The following DCDC2 variants were observed in gnomAD, a reference collection of about 807,000 sequenced individuals.
The protein encoded by DCDC2 is doublecortin domain containing 2, also known as doublecortin domain-containing protein 2.
Under a neutral mutation model 50.2 loss-of-function variants are expected in DCDC2, and 40 were observed. The ratio of observed to expected loss-of-function variants is 0.80; its 90% CI spans 0.62 to 1.04. The LOEUF is 1.04. DCDC2 is among the 50% of genes least tolerant of loss of function. DCDC2 has a pLI of 0.00. For missense variants in DCDC2, 570 were observed against 581.9 expected (o/e 0.98, Z 0.21); for synonymous variants, 234 against 210.6 (o/e 1.11, Z -0.96).
At chr6:24,265,993 TA>T (rs373942526) in intron 7 of DCDC2, among the ~76,000 whole-genome samples, 1,725 of 151,574 alleles carry the variant, frequency 0.011, 36 homozygotes, top group African/African-American at 0.039. Context: ...GCCAGACTAA[TA>T]AAAAAAGACC....
intron 8 of DCDC2, among the ~76,000 whole-genome samples, chr6:24,198,811 A>G (rs1428885699): frequency 6.6e-6 from 1 of 152,140 alleles, no homozygotes; most frequent in Non-Finnish European, 1.5e-5. Context: ...GGGACACTCA[A>G]GCTTGGTGGG....
At chr6:24,180,056 T>C (rs188022987) in intron 8 of DCDC2, among the ~76,000 whole-genome samples, 3,037 of 152,044 alleles carry the variant, frequency 0.02, 48 homozygotes, top group Middle Eastern at 0.051. Context: ...GACCAGGCAC[T>C]TACTGGCTGT....
chr6:24,183,749 C>A (rs567307859), intron 8 of DCDC2, among the ~76,000 whole-genome samples: 19 of 152,116 alleles, frequency 1.2e-4, no homozygotes, highest in Non-Finnish European at 2.6e-4. Context: ...AGATAAATAC[C>A]ACTGTCTCCG....
the DCDC2 span, among the ~76,000 whole-genome samples, chr6:24,363,540 T>G: frequency 1.0e-3 from 157 of 152,218 alleles, no homozygotes; most frequent in Non-Finnish European, 2.1e-3. Flanking sequence ...AACAAGGCAT[T>G]TGCTGTTTCC....
upstream of DCDC2, among the ~76,000 whole-genome samples, chr6:24,358,919 T>TTATATATTATATATATTATAC (rs1220997612): frequency 2.6e-4 from 14 of 54,866 alleles, 1 homozygote; most frequent in African/African-American, 1.3e-3. Context: ...ATATTATATA[T>TTATATATTATATATATTATAC]ATTATATATT....
chr6:24,334,032 C>A (rs1200265233), intron 2 of DCDC2, among the ~76,000 whole-genome samples: 5 of 152,104 alleles, frequency 3.3e-5, no homozygotes, highest in Admixed American at 6.5e-5. Context: ...GGAAGATAGC[C>A]CTTGCAAACA....
intron 9 of DCDC2, among the ~76,000 whole-genome samples, chr6:24,176,688 A>C (rs1760922550): frequency 6.6e-6 from 1 of 152,132 alleles, no homozygotes; most frequent in Non-Finnish European, 1.5e-5. Context: ...TACGTTAGAC[A>C]CCTTACTGTA....
chr6:24,302,137 C>G, intron 2 of DCDC2, 93 bp from the exon 3 acceptor site: 1 of 1,041,374 alleles, frequency 9.6e-7, no homozygotes. Flanking sequence ...AGGGAACTGC[C>G]TGAGACTTCC....
At chr6:24,360,413 C>A (rs1760647309), upstream of DCDC2, among the ~76,000 whole-genome samples, 1 of 152,196 alleles carries the variant, frequency 6.6e-6, no homozygotes, top group African/African-American at 2.4e-5. Context: ...GAGTGCCTAC[C>A]CTGTGCCAAG....
In DCDC2 at chr6:24,289,033, T is replaced by C. The variant is rs78964298; in HGVS notation, c.705-127A>G. 3,706 of 645,680 alleles carry C rather than the reference T, an allele frequency of 5.7e-3. 26 individuals are homozygous for C. The highest frequency in any genetic ancestry group is 0.016 in the African/African-American group (870 of 53,850). The allele number at this position is 645,680 out of a possible 1,614,324, so 40.0% of individuals were successfully genotyped here. A position where few individuals can be genotyped will look rare whatever the true frequency, so the allele number is the denominator to read the frequency against. On this transcript the variant is annotated intron_variant, in intron 5 of 9. Coordinates refer to ENST00000378454, the MANE Select transcript of DCDC2 (RefSeq NM_016356.5). ...TGTGTTTCACAAAAGGTAGATAACA[T>C]ACACTTTAACACATACTTTCCCAAT...
the DCDC2 span, among the ~76,000 whole-genome samples, chr6:24,368,065 A>G: frequency 1.3e-5 from 2 of 152,150 alleles, no homozygotes; most frequent in East Asian, 3.8e-4. Flanking sequence ...CCAAAGAGAG[A>G]ATTATTAAAC....
intron 7 of DCDC2, among the ~76,000 whole-genome samples, chr6:24,255,406 A>C (rs1762881061): frequency 6.6e-6 from 1 of 152,092 alleles, no homozygotes; most frequent in Admixed American, 6.6e-5. Flanking sequence ...CCAGAAGAAA[A>C]CATAGGAAAA....
intron 8 of DCDC2, among the ~76,000 whole-genome samples, chr6:24,189,208 G>A (rs1013564143): frequency 6.6e-6 from 1 of 152,108 alleles, no homozygotes; most frequent in Admixed American, 6.6e-5. Flanking sequence ...AGACAGAAAA[G>A]GTCTGGTAGT....
At chr6:24,238,539 T>C (rs1762502459) in intron 7 of DCDC2, among the ~76,000 whole-genome samples, 1 of 152,004 alleles carries the variant, frequency 6.6e-6, no homozygotes, top group African/African-American at 2.4e-5. Flanking sequence ...CCTCAGGTGA[T>C]CCGCCCACCT....
intron 6 of DCDC2, among the ~76,000 whole-genome samples, chr6:24,286,540 C>T (rs531826756): frequency 7.3e-5 from 11 of 151,474 alleles, no homozygotes; most frequent in Admixed American, 1.3e-4. Context: ...CTACAGTAAA[C>T]CATGATCATG....
At chr6:24,220,899 C>CGAGAGAGT (rs71002476) in intron 7 of DCDC2, among the ~76,000 whole-genome samples, 1 of 115,752 alleles carries the variant, frequency 8.6e-6, no homozygotes, top group East Asian at 2.8e-4. Flanking sequence ...AGTGAGCGAG[C>CGAGAGAGT]GAGCGAGAGA....
intron 8 of DCDC2, among the ~76,000 whole-genome samples, chr6:24,189,487 G>T (rs1217328769): frequency 6.6e-6 from 1 of 152,104 alleles, no homozygotes; most frequent in Non-Finnish European, 1.5e-5. Flanking sequence ...AGTAACAGCA[G>T]CAACAAAAAT....
intron 7 of DCDC2, among the ~76,000 whole-genome samples, chr6:24,250,971 T>C (rs1352070025): frequency 6.6e-6 from 1 of 152,142 alleles, no homozygotes; most frequent in East Asian, 1.9e-4. Context: ...CATAAACGCC[T>C]TGAAAACAAC....
At position 24,347,381 on chromosome 6, in the gene DCDC2, G is replaced by A. The variant is rs547584486; in HGVS notation, c.348+6188C>T. Among the ~76,000 whole-genome samples, 182 of 152,132 alleles carry A rather than the reference G, an allele frequency of 1.2e-3. 2 individuals are homozygous for A. The highest frequency in any genetic ancestry group is 8.4e-4 in the Non-Finnish European group (57 of 68,004). On this transcript the variant is annotated intron_variant, in intron 2 of 9. Transcript: ENST00000378454. ...CAACCACAACGCCTAGCACATAACAGGCACACAATAAATATAGTCAGCCCT... is the reference window on the plus strand; with the variant it reads ...CAACCACAACGCCTAGCACATAACAAGCACACAATAAATATAGTCAGCCCT...
Sources: gnomAD v4.1 joint callset for allele counts (sites outside exome capture counted in the v4.1 genomes callset) on GRCh38, gnomAD v4.1.1 for gene constraint, MANE v1.5 for transcripts, NCBI Gene and HGNC (gene_info 2026-07-23, HGNC 2026-07-21) for gene names.